The following SMAP2 variants were observed in gnomAD, a reference collection of about 807,000 sequenced individuals.
SMAP2 encodes the protein small ArfGAP2, also known as stromal membrane-associated protein 2.
A neutral mutation model predicts 56.4 loss-of-function variants in SMAP2; 25 were observed. The ratio of observed to expected loss-of-function variants is 0.44; its 90% CI spans 0.32 to 0.62. The LOEUF is 0.62. SMAP2 is among the 20% of genes least tolerant of loss of function. The pLI is 0.04. For synonymous variants in SMAP2, 157 were observed against 181.7 expected (o/e 0.86, Z 1.09); for missense variants, 388 against 545.6 (o/e 0.71, Z 2.88).
At chr1:40,362,035 G>A (rs1387731193) in intron 1 of SMAP2, among the ~76,000 whole-genome samples, 1 of 152,178 alleles carries the variant, frequency 6.6e-6, no homozygotes. Flanking sequence ...ATCTTGGGGC[G>A]AGCAAGTGCA....
At chr1:40,407,949 A>G (rs1644901388) in intron 2 of SMAP2, among the ~76,000 whole-genome samples, 1 of 152,196 alleles carries the variant, frequency 6.6e-6, no homozygotes, top group Non-Finnish European at 1.5e-5. Context: ...CCTACATTGA[A>G]ACGCTTTAAT....
intron 1 of SMAP2, among the ~76,000 whole-genome samples, chr1:40,377,633 A>G (rs1398511977): frequency 1.3e-5 from 2 of 152,212 alleles, no homozygotes; most frequent in East Asian, 1.9e-4. Context: ...AGATATGTCA[A>G]TGGTAACTCT....
chr1:40,406,684 G>C lies in SMAP2; in HGVS notation c.104-52G>C. The C allele has an allele frequency of 3.9e-6, 6 of 1,556,732 alleles. No homozygotes were observed. In the South Asian group the frequency reaches 7.0e-5, roughly 18 times the overall value. On this transcript the variant is annotated intron_variant, in intron 1 of 9. Transcript: ENST00000372718. ...TCTGATAATCTAATATTGTAGTTTAGGCCTTGAATGTTGTAATTTGTACTT... is the reference window on the plus strand; with the variant it reads ...TCTGATAATCTAATATTGTAGTTTACGCCTTGAATGTTGTAATTTGTACTT...
At chr1:40,371,426 C>A (rs1644495873), upstream of SMAP2, among the ~76,000 whole-genome samples, 1 of 152,156 alleles carries the variant, frequency 6.6e-6, no homozygotes, top group Non-Finnish European at 1.5e-5. Context: ...GATAGGCTAG[C>A]TTATACAGTG....
At chr1:40,378,137 T>A (rs1644559435) in intron 1 of SMAP2, among the ~76,000 whole-genome samples, 1 of 152,228 alleles carries the variant, frequency 6.6e-6, no homozygotes, top group Non-Finnish European at 1.5e-5. Flanking sequence ...CTTTTTATTT[T>A]TTTTAGAGAC....
At chr1:40,393,446 A>C (rs1382592626) in intron 1 of SMAP2, 1 of 1,535,474 alleles carries the variant, frequency 6.5e-7, no homozygotes, top group Admixed American at 2.0e-5. Context: ...CAAGATTTGC[A>C]CAAAAAGATG....
In SMAP2 at chr1:40,413,001, G is replaced by T; in HGVS notation, c.403-15G>T. ...CCTTGGGCCCTGTGTTCTTTGTCTT[G>T]TTAAATCATTATAGAAAGAAAAAGA... is the stretch of plus-strand genomic sequence containing the variant. On this transcript the variant is annotated splice_polypyrimidine_tract_variant and intron_variant, in intron 4 of 9. Transcript: ENST00000372718. 1 of 1,594,618 alleles carries T rather than the reference G, an allele frequency of 6.3e-7. No individual in the cohort carries two copies. Among genetic ancestry groups the T allele is most frequent in the Non-Finnish European group, 8.6e-7 (1 of 1,167,886 alleles).
chr1:40,383,497 C>A (rs370737555), intron 1 of SMAP2, among the ~76,000 whole-genome samples: 83 of 152,196 alleles, frequency 5.5e-4, no homozygotes, highest in African/African-American at 1.9e-3. Context: ...TTTCTTTCCC[C>A]TTATAGTATT....
In SMAP2 at chr1:40,422,464, A is replaced by G. The variant is rs1000346251; in HGVS notation, c.*363A>G. The G allele has an allele frequency of 1.3e-5, 3 of 228,110 alleles. No homozygotes were observed. The South Asian group carries it at 2.2e-4, about 16-fold the overall frequency. The allele number at this position is 228,110 out of a possible 1,614,324, so 14.1% of individuals were successfully genotyped here. On this transcript the variant is annotated 3_prime_UTR_variant, in exon 10 of 10. Transcript: ENST00000372718. ...TCTCAGAAGGGTCTGTGGGTGTTGT[A>G]TATTAGGCAAACAGGGGAAAGCTTA...
intron 2 of SMAP2, among the ~76,000 whole-genome samples, chr1:40,407,943 C>T (rs577204026): frequency 6.6e-6 from 1 of 152,098 alleles, no homozygotes; most frequent in East Asian, 1.9e-4. Context: ...TCTCTTCCTA[C>T]ATTGAAACGC....
intron 1 of SMAP2, among the ~76,000 whole-genome samples, chr1:40,383,603 T>A (rs1644621945): frequency 6.6e-6 from 1 of 152,176 alleles, no homozygotes; most frequent in South Asian, 2.1e-4. Flanking sequence ...CAATTATTAG[T>A]CCCAGGAAGT....
chr1:40,361,112 G>A (rs1032303877), intron 1 of SMAP2, among the ~76,000 whole-genome samples: 3 of 152,214 alleles, frequency 2.0e-5, no homozygotes, highest in Non-Finnish European at 4.4e-5. Flanking sequence ...AGAGAGGAGA[G>A]AGAAAAGAGG....
intron 9 of SMAP2, among the ~76,000 whole-genome samples, chr1:40,419,922 A>G (rs1325544253): frequency 6.6e-6 from 1 of 152,214 alleles, no homozygotes; most frequent in Non-Finnish European, 1.5e-5. Flanking sequence ...TCTGTGGTCC[A>G]GAATAATTTA....
At chr1:40,410,218 T>A (rs529325569) in intron 4 of SMAP2, among the ~76,000 whole-genome samples, 2 of 152,112 alleles carry the variant, frequency 1.3e-5, no homozygotes, top group South Asian at 4.1e-4. Flanking sequence ...TTCATTCCAG[T>A]CTAGGCAACG....
rs1191672355 is a variant in SMAP2 at position 40,422,301 on chromosome 1, C to T, written c.*200C>T. The stretch of plus-strand genomic sequence containing the variant: ...TCTGTTGCTTTATGTTGTACATGCC[C>T]CATAGCCATCCCAACGTCCTCCCCA... On this transcript the variant is annotated 3_prime_UTR_variant, in exon 10 of 10. Coordinates refer to ENST00000372718, the MANE Select transcript of SMAP2 (RefSeq NM_022733.3). 8.1e-6 allele frequency: 5 copies of T among 618,248 alleles called. No individual in the cohort carries two copies. Among genetic ancestry groups the T allele is most frequent in the South Asian group, 3.9e-5 (2 of 51,886 alleles). 38.3% of individuals were successfully genotyped at this position (618,248 alleles called of 1,614,324 possible). A position where few individuals can be genotyped will look rare whatever the true frequency, so the allele number is the denominator to read the frequency against.
intron 7 of SMAP2, 40 bp downstream of exon 7, chr1:40,415,421 A>C: frequency 3.8e-6 from 5 of 1,309,636 alleles, no homozygotes; most frequent in Non-Finnish European, 5.5e-6. Context: ...GAACATTCTG[A>C]AATGGGTGAT....
At position 40,374,103 on chromosome 1, in the gene SMAP2, C is replaced by G. The variant is rs1644518199; in HGVS notation, c.-18C>G. The G allele has an allele frequency of 2.5e-6, 4 of 1,602,324 alleles. No homozygotes were observed. The highest frequency in any genetic ancestry group is 3.4e-5 in the Admixed American group (2 of 58,480). ...CGAGGAGGGCGCGTCGCCCTCTGCC[C>G]CCGCCGGCACCCTGGCCATGACAGG... On this transcript the variant is annotated 5_prime_UTR_variant, in exon 1 of 10. Transcript: ENST00000372718. The surrounding 1 kb of genome is among the most constrained non-coding windows in gnomAD (Gnocchi z 5.9).
At chr1:40,410,163 G>A (rs1465484668) in intron 4 of SMAP2, among the ~76,000 whole-genome samples, 4 of 152,122 alleles carry the variant, frequency 2.6e-5, no homozygotes, top group South Asian at 2.1e-4. Flanking sequence ...GGAGGATTAC[G>A]TGAGCCAGGG....
intron 9 of SMAP2, 41 bp from the exon 10 acceptor site, chr1:40,421,935 T>G: frequency 6.2e-7 from 1 of 1,613,342 alleles, no homozygotes; most frequent in East Asian, 2.2e-5. Flanking sequence ...ATTGGCGGAA[T>G]GCCCACAGCC....
Sources: allele counts gnomAD v4.1 joint callset (sites outside exome capture counted in the v4.1 genomes callset), GRCh38; gene constraint gnomAD v4.1.1; non-coding constraint Gnocchi (gnomAD v3.1); transcripts MANE v1.5; gene names NCBI Gene and HGNC (gene_info 2026-07-23, HGNC 2026-07-21).